Variants in HAUS6 observed in about 807,000 individuals in gnomAD.
The protein encoded by HAUS6 is HAUS augmin like complex subunit 6.
A neutral mutation model predicts 106.8 loss-of-function variants in HAUS6; 80 were observed. That is an observed-to-expected ratio of 0.75 (90% CI 0.63 to 0.90). HAUS6 has a LOEUF of 0.90. HAUS6 is among the 40% of genes least tolerant of loss of function. The pLI, the probability that HAUS6 is intolerant of heterozygous loss-of-function variation, is 0.00. For synonymous variants in HAUS6, 356 were observed against 379.1 expected (o/e 0.94, Z 0.71); for missense variants, 1,155 against 1,118.1 (o/e 1.03, Z -0.47).
At chr9:19,096,509 G>C (rs568832076) in intron 2 of HAUS6, among the ~76,000 whole-genome samples, 165 bp downstream of exon 2, 5 of 133,178 alleles carry the variant, frequency 3.8e-5, no homozygotes, top group Non-Finnish European at 6.1e-5. Flanking sequence ...AGGTTGCAGT[G>C]AGCCTAGATC....
chr9:19,080,054 A>G (rs375128915), intron 9 of HAUS6, among the ~76,000 whole-genome samples: 1 of 151,726 alleles, frequency 6.6e-6, no homozygotes, highest in Non-Finnish European at 1.5e-5. Flanking sequence ...CATGCCTGTA[A>G]TCGCAGCTAC....
chr9:19,098,070 CT>C (rs1218989011), intron 1 of HAUS6, among the ~76,000 whole-genome samples: 2 of 152,136 alleles, frequency 1.3e-5, no homozygotes, highest in Non-Finnish European at 2.9e-5. Flanking sequence ...CACAAAGTAC[CT>C]TGTTCTCTTC....
chr9:19,065,974 C>T (rs1429641991), intron 12 of HAUS6, among the ~76,000 whole-genome samples: 2 of 146,706 alleles, frequency 1.4e-5, no homozygotes, highest in African/African-American at 2.5e-5. Context: ...CTCACTCTGT[C>T]GCCCACACTG....
intron 12 of HAUS6, 104 bp from the exon 13 acceptor site, chr9:19,063,684 G>A (rs200913011): frequency 1.3e-4 from 110 of 839,632 alleles, no homozygotes; most frequent in Non-Finnish European, 2.2e-4. Flanking sequence ...TGTCCGTTAC[G>A]ATTTCACTCA....
At chr9:19,068,231 A>T (rs1346086980) in intron 12 of HAUS6, among the ~76,000 whole-genome samples, 1 of 152,196 alleles carries the variant, frequency 6.6e-6, no homozygotes, top group Non-Finnish European at 1.5e-5. Context: ...TGGGTAGGCC[A>T]GTAACTTTAC....
At chr9:19,072,256 T>C (rs559162308) in intron 11 of HAUS6, among the ~76,000 whole-genome samples, 36 of 151,858 alleles carry the variant, frequency 2.4e-4, no homozygotes, top group African/African-American at 8.0e-4. Context: ...CTAACACCTG[T>C]AATCTCAGCA....
At chr9:19,092,684 G>C (rs893452569) in intron 4 of HAUS6, among the ~76,000 whole-genome samples, 4 of 149,668 alleles carry the variant, frequency 2.7e-5, no homozygotes, top group African/African-American at 9.8e-5. Context: ...AACACTTTGG[G>C]AGGCCCAGGT....
At chr9:19,097,643 T>C (rs1817892346) in intron 1 of HAUS6, among the ~76,000 whole-genome samples, 1 of 152,170 alleles carries the variant, frequency 6.6e-6, no homozygotes, top group Non-Finnish European at 1.5e-5. Context: ...ATTTGAAATA[T>C]GTCACCTCAC....
chr9:19,089,039 T>C (rs2131145225), intron 5 of HAUS6, among the ~76,000 whole-genome samples: 1 of 152,282 alleles, frequency 6.6e-6, no homozygotes, highest in South Asian at 2.1e-4. Flanking sequence ...GCTCAGAAGT[T>C]TGAGATCAGT....
intron 4 of HAUS6, 146 bp downstream of exon 4, chr9:19,093,025 G>C: frequency 1.7e-6 from 1 of 605,066 alleles, no homozygotes; most frequent in South Asian, 2.4e-5. Flanking sequence ...TACACTTCCA[G>C]TAGAATATTA....
intron 7 of HAUS6, among the ~76,000 whole-genome samples, chr9:19,084,711 C>T (rs1232921932): frequency 1.3e-5 from 2 of 151,160 alleles, no homozygotes; most frequent in East Asian, 3.9e-4. Flanking sequence ...TGGCTCACTG[C>T]AACCTCTGCC....
chr9:19,080,415 C>T (rs768015983), intron 9 of HAUS6, 64 bp downstream of exon 9: 1 of 996,352 alleles, frequency 1.0e-6, no homozygotes. Flanking sequence ...TAAACTTATA[C>T]AAGTTTTGTT....
Position 19,087,161 on chromosome 9 carries a change from A to G in HAUS6, c.585-5T>C, listed in dbSNP as rs1388232279. On this transcript the variant is annotated splice_region_variant and splice_polypyrimidine_tract_variant and intron_variant, in intron 5 of 16. Coordinates refer to ENST00000380502, the MANE Select transcript of HAUS6 (RefSeq NM_017645.5). Reference sequence around the variant, plus strand: ...CGTACCTGCTTAACTGATAATCTGCAAGAAAACATACAAAATGACAACTAT... The same window carrying G: ...CGTACCTGCTTAACTGATAATCTGCGAGAAAACATACAAAATGACAACTAT... 2 of 1,425,348 alleles carry G rather than the reference A, an allele frequency of 1.4e-6. No homozygotes were observed. The highest frequency in any genetic ancestry group is 2.3e-5 in the East Asian group (1 of 44,122). 88.3% of individuals were successfully genotyped at this position (1,425,348 alleles called of 1,614,324 possible). A position where few individuals can be genotyped will look rare whatever the true frequency, so the allele number is the denominator to read the frequency against.
chr9:19,088,823 A>C (rs1817686177), intron 5 of HAUS6, among the ~76,000 whole-genome samples: 1 of 146,702 alleles, frequency 6.8e-6, no homozygotes, highest in African/African-American at 2.7e-5. Flanking sequence ...GGTTGCAGTG[A>C]GCCAAGATTG....
chr9:19,086,858 C>A, intron 6 of HAUS6, 76 bp from the exon 7 acceptor site: 1 of 696,962 alleles, frequency 1.4e-6, no homozygotes, highest in South Asian at 1.7e-5. Context: ...GCTAATTAGT[C>A]TGCAAATCAA....
In HAUS6 at chr9:19,069,120, C is replaced by T. The variant is rs112149197; in HGVS notation, c.1376+1099G>A. 9.2e-5 allele frequency among the ~76,000 whole-genome samples: 14 copies of T among 152,244 alleles called. 1 individual carries two copies. The South Asian group carries it at 2.7e-3, about 29-fold the overall frequency. On this transcript the variant is annotated intron_variant, in intron 12 of 16. Coordinates refer to ENST00000380502, the MANE Select transcript of HAUS6 (RefSeq NM_017645.5). ...GACCAGCCACGGGTTATGTTAGATA[C>T]ATCCACAGCACCAAATGGCACTATA...
At chr9:19,056,634 T>C (rs1194506098) in intron 16 of HAUS6, 1 of 408,014 alleles carries the variant, frequency 2.5e-6, no homozygotes, top group Non-Finnish European at 4.4e-6. Flanking sequence ...AGGGTCTTGC[T>C]CTGTCACCCA....
At position 19,056,232 on chromosome 9, in the gene HAUS6, C is replaced by G. The variant is rs1406476690; in HGVS notation, c.*111G>C. ...AAAGGCATTAGGAATTTTTTTAAAC[C>G]TTGAAAAACAGTGTTACACTTCCAA... On this transcript the variant is annotated 3_prime_UTR_variant, in exon 17 of 17. Coordinates refer to ENST00000380502, the MANE Select transcript of HAUS6 (RefSeq NM_017645.5). 1 of 623,354 alleles carries G rather than the reference C, an allele frequency of 1.6e-6. No homozygotes were observed. Among genetic ancestry groups the G allele is most frequent in the Non-Finnish European group, 2.9e-6 (1 of 347,142 alleles). The allele number at this position is 623,354 out of a possible 1,614,324, so 38.6% of individuals were successfully genotyped here. A position where few individuals can be genotyped will look rare whatever the true frequency, so the allele number is the denominator to read the frequency against.
intron 1 of HAUS6, among the ~76,000 whole-genome samples, chr9:19,099,230 G>T (rs1261159038): frequency 8.1e-5 from 12 of 148,298 alleles, no homozygotes. Context: ...GCAGCGGCGC[G>T]ATCTCGGCTC....
Sources: gnomAD v4.1 joint callset for allele counts (sites outside exome capture counted in the v4.1 genomes callset) on GRCh38, gnomAD v4.1.1 for gene constraint, MANE v1.5 for transcripts, NCBI Gene and HGNC (gene_info 2026-07-23, HGNC 2026-07-21) for gene names.